The following MTIF2 variants were observed in gnomAD, a reference collection of about 807,000 sequenced individuals.
MTIF2 encodes translation initiation factor IF-2, mitochondrial.
A neutral mutation model predicts 83.5 loss-of-function variants in MTIF2; 71 were observed. The observed-to-expected ratio is 0.85, with a 90% confidence interval of 0.70 to 1.04. The LOEUF is 1.04. Among genes scored for constraint, MTIF2 ranks in the 50% least tolerant of loss-of-function variants. MTIF2 has a pLI of 0.00. For missense variants in MTIF2, 957 were observed against 846.5 expected (o/e 1.13, Z -1.62); for synonymous variants, 319 against 287.1 (o/e 1.11, Z -1.12).
In MTIF2 at chr2:55,242,923, A is replaced by G; in HGVS notation, c.1705+17T>C. On this transcript the variant is annotated intron_variant, in intron 13 of 15. Coordinates refer to ENST00000263629, the MANE Select transcript of MTIF2 (RefSeq NM_002453.3). ...ATTTGGGGAACACAGATTAACAAGA[A>G]GAAATGGAATCCTTACCATCAAATG... The G allele has an allele frequency of 6.3e-7, 1 of 1,599,782 alleles. No individual in the cohort carries two copies.
chr2:55,266,928 T>C (rs1358224246), intron 3 of MTIF2, among the ~76,000 whole-genome samples: 1 of 151,652 alleles, frequency 6.6e-6, no homozygotes, highest in Non-Finnish European at 1.5e-5. Context: ...TGCCACCGTG[T>C]CAGGCTAATT....
chr2:55,252,429 A>G (rs1297886619), intron 8 of MTIF2, 48 bp downstream of exon 8: 2 of 1,560,454 alleles, frequency 1.3e-6, no homozygotes, highest in African/African-American at 2.7e-5. Context: ...AAATGGCCCC[A>G]GAACTTTGAC....
At chr2:55,236,858 A>C in intron 15 of MTIF2, 38 bp from the exon 16 acceptor site, 1 of 1,455,780 alleles carries the variant, frequency 6.9e-7, no homozygotes, top group Non-Finnish European at 9.2e-7. Flanking sequence ...TATTCAATAA[A>C]TGATAAGTAC....
Position 55,236,820 on chromosome 2 carries a change from C to A in MTIF2, c.2012G>T (p.Gly671Val). 6.4e-7 allele frequency: 1 copy of A among 1,572,320 alleles called. No homozygotes were observed. The highest frequency in any genetic ancestry group is 1.2e-5 in the South Asian group (1 of 83,512). Residue 671 changes from glycine to valine, a missense_variant and splice_region_variant, in exon 16 of 16, where the codon GGC (glycine) becomes GTC (valine). This residue lies in a region of MTIF2 where 221 missense variants were observed against 180.6 expected (regional missense o/e 1.22). Coordinates refer to ENST00000263629, the MANE Select transcript of MTIF2 (RefSeq NM_002453.3). ...ATGGTGTTTCAATGAGGTTAATGAG[C>A]CTTAAAAAAGATAATTTAAGGTTAG... ...LTRNGHVIWK[G>V]SLTSLKHHKD... is the part of the protein sequence containing the mutation.
At chr2:55,254,276 T>G in intron 6 of MTIF2, 75 bp from the exon 7 acceptor site, 1 of 1,485,160 alleles carries the variant, frequency 6.7e-7, no homozygotes, top group East Asian at 2.3e-5. Flanking sequence ...GGTTCACATT[T>G]ATCCCTGTGA....
In MTIF2 at chr2:55,265,554, G is replaced by C. The variant is rs7602357; in HGVS notation, c.-7-1689C>G. On this transcript the variant is annotated intron_variant, in intron 3 of 15. Coordinates refer to ENST00000263629, the MANE Select transcript of MTIF2 (RefSeq NM_002453.3). ...GTTTGTCTGTTTGCTTTTCAATGGA[G>C]AGTACATTTCCAAGTAGTGGGTATA... is the stretch of plus-strand genomic sequence containing the variant. Among the ~76,000 whole-genome samples the C allele has an allele frequency of 5.3e-3, 810 of 152,020 alleles. 6 individuals are homozygous for C. The highest frequency in any genetic ancestry group is 7.8e-3 in the Admixed American group (119 of 15,244).
chr2:55,246,879 C>T (rs954712487), intron 9 of MTIF2, among the ~76,000 whole-genome samples: 3 of 152,102 alleles, frequency 2.0e-5, no homozygotes, highest in Admixed American at 6.5e-5. Flanking sequence ...TCCAACTGAA[C>T]GAGATTTCAC....
intron 8 of MTIF2, among the ~76,000 whole-genome samples, chr2:55,250,196 T>G (rs984463765): frequency 6.6e-6 from 1 of 152,146 alleles, no homozygotes; most frequent in African/African-American, 2.4e-5. Context: ...ACTCAAGTCT[T>G]GCAGCCAGCC....
At chr2:55,261,539 G>A (rs1034078325) in intron 5 of MTIF2, among the ~76,000 whole-genome samples, 7 of 151,864 alleles carry the variant, frequency 4.6e-5, no homozygotes, top group East Asian at 2.0e-4. Context: ...CCTGGGAGGC[G>A]GAGGTTGCAG....
At chr2:55,243,930 G>T in intron 11 of MTIF2, 99 bp downstream of exon 11, 1 of 1,113,676 alleles carries the variant, frequency 9.0e-7, no homozygotes, top group Non-Finnish European at 1.2e-6. Context: ...TTATAATCTA[G>T]ATTTGTTAAC....
intron 5 of MTIF2, among the ~76,000 whole-genome samples, chr2:55,257,248 G>T (rs1025506342): frequency 6.6e-6 from 1 of 152,170 alleles, no homozygotes; most frequent in Non-Finnish European, 1.5e-5. Flanking sequence ...GGGAGGCCGA[G>T]GTGGGCAGAT....
chr2:55,268,899 C>G (rs1019589921), intron 1 of MTIF2, 160 bp from the exon 2 acceptor site: 5 of 152,178 alleles, frequency 3.3e-5, no homozygotes, highest in African/African-American at 1.2e-4. Flanking sequence ...AGGCCTTGGG[C>G]CCATGGGAGG....
intron 5 of MTIF2, among the ~76,000 whole-genome samples, chr2:55,261,017 C>T (rs1428785764): frequency 6.6e-6 from 1 of 151,012 alleles, no homozygotes; most frequent in Non-Finnish European, 1.5e-5. Flanking sequence ...GATGGAGTCT[C>T]GCTCTGTCGT....
chr2:55,240,898 T>C (rs986890200), intron 13 of MTIF2, among the ~76,000 whole-genome samples: 1 of 152,196 alleles, frequency 6.6e-6, no homozygotes. Context: ...ACAATTTTTG[T>C]GGTTTGCACT....
intron 3 of MTIF2, chr2:55,266,518 T>C (rs952908578): frequency 5.7e-5 from 7 of 122,524 alleles, no homozygotes; most frequent in African/African-American, 1.8e-4. Flanking sequence ...AGAGCGAGAC[T>C]CTGTCTCAAA....
chr2:55,265,549 A>G (rs1006060139), intron 3 of MTIF2, among the ~76,000 whole-genome samples: 4 of 151,958 alleles, frequency 2.6e-5, no homozygotes, highest in Admixed American at 2.0e-4. Flanking sequence ...TTGCTTTTCA[A>G]TGGAGAGTAC....
Position 55,254,738 on chromosome 2 carries a change from T to G in MTIF2, c.419A>C (p.Glu140Ala). The change falls in exon 6 of 16, where the codon GAA (glutamate) becomes GCA (alanine). Residue 140 changes from glutamate to alanine, a missense_variant. Physicochemically the swap from Glu to Ala is moderately radical, Grantham distance 107. Around this residue, in one of 3 missense-constraint regions of MTIF2, gnomAD observed 733 missense variants for 648.7 expected, o/e 1.13. Transcript: ENST00000263629. ...DSHLDEVWIKEVITKAGMKLK... is the reference protein window; with the variant it reads ...DSHLDEVWIKAVITKAGMKLK... ...CTTCATCCCTGCCTTCGTTATCACT[T>G]CTTTGATCCAGACTTCATCTAAATG... 6.2e-7 allele frequency: 1 copy of G among 1,611,468 alleles called. No individual in the cohort carries two copies. Among genetic ancestry groups the G allele is most frequent in the Non-Finnish European group, 8.5e-7 (1 of 1,178,950 alleles).
Position 55,249,518 on chromosome 2 carries a change from G to C in MTIF2, c.858C>G (p.Ala286=), listed in dbSNP as rs373839804. 8.1e-6 allele frequency: 13 copies of C among 1,613,734 alleles called. No individual in the cohort carries two copies. Among genetic ancestry groups the C allele is most frequent in the Non-Finnish European group, 1.1e-5 (13 of 1,179,910 alleles). Reference sequence around the variant, plus strand: ...CCTCAGCTTTGTCACATTTATTTACGGCAAGGATAATAGGAACTGAAAGAA... The same window carrying C: ...CCTCAGCTTTGTCACATTTATTTACCGCAAGGATAATAGGAACTGAAAGAA... ...AKDAQVPIIL[A]VNKCDKAEAD... Residue 286 remains alanine (A), a synonymous_variant, in exon 9 of 16, where the codon GCC becomes GCG. Transcript: ENST00000263629.
intron 5 of MTIF2, among the ~76,000 whole-genome samples, chr2:55,258,736 C>G (rs533484904): frequency 1.4e-5 from 2 of 148,144 alleles, no homozygotes; most frequent in Non-Finnish European, 1.5e-5. Flanking sequence ...TGCTTGAACC[C>G]GGGAGACAGA....
Sources: allele counts gnomAD v4.1 joint callset (sites outside exome capture counted in the v4.1 genomes callset), GRCh38; gene constraint gnomAD v4.1.1; regional missense constraint gnomAD v4.1.1; transcripts MANE v1.5; gene names NCBI Gene and HGNC (gene_info 2026-07-23, HGNC 2026-07-21).